Variants in PBX1 observed in about 807,000 individuals in gnomAD.
PBX1 encodes the protein pre-B-cell leukemia transcription factor 1.
In PBX1, 6 loss-of-function variants were observed where a neutral mutation model predicts 53.4. That is an observed-to-expected ratio of 0.11 (90% CI 0.06 to 0.22). The LOEUF (loss-of-function observed/expected upper bound fraction) is 0.22. Ranked by LOEUF, PBX1 falls within the 10% of genes least tolerant of loss-of-function variation. PBX1 has a pLI of 1.00. For missense variants in PBX1, 251 were observed against 551.4 expected (o/e 0.46, Z 5.46); for synonymous variants, 204 against 212.3 (o/e 0.96, Z 0.34).
intron 2 of PBX1, among the ~76,000 whole-genome samples, chr1:164,618,085 T>TA (rs1345250792): frequency 9.2e-5 from 14 of 152,182 alleles, no homozygotes; most frequent in Admixed American, 3.3e-4. Context: ...AATTCTTTTC[T>TA]AGAAAGCGTT....
At chr1:164,729,341 G>A (rs1664861958) in intron 2 of PBX1, among the ~76,000 whole-genome samples, 1 of 152,002 alleles carries the variant, frequency 6.6e-6, no homozygotes, top group African/African-American at 2.4e-5. Flanking sequence ...ATTACCTTCT[G>A]CTATTTATCC....
chr1:164,575,815 C>T (rs1409707976), intron 2 of PBX1, among the ~76,000 whole-genome samples: 1 of 147,824 alleles, frequency 6.8e-6, no homozygotes, highest in Non-Finnish European at 1.5e-5. Context: ...TTCCTTTGTG[C>T]ATCCTCCTTA....
chr1:164,846,712 C>T lies in PBX1; in HGVS notation c.*36C>T. The stretch of plus-strand genomic sequence containing the variant: ...ATCGCATCCCGGCTGACCCTGTGCC[C>T]CAGTTGGGGCAGGGGCAGGAGGGAG... On this transcript the variant is annotated 3_prime_UTR_variant, in exon 9 of 9. Transcript: ENST00000420696. The T allele has an allele frequency of 6.2e-7, 1 of 1,613,888 alleles. No individual in the cohort carries two copies. The highest frequency in any genetic ancestry group is 8.5e-7 in the Non-Finnish European group (1 of 1,179,916).
chr1:164,836,469 T>C (rs1336881459), intron 8 of PBX1, among the ~76,000 whole-genome samples: 1 of 152,176 alleles, frequency 6.6e-6, no homozygotes, highest in Non-Finnish European at 1.5e-5. Context: ...CCCCTGAATA[T>C]TTCTAGGGTG....
intron 2 of PBX1, among the ~76,000 whole-genome samples, chr1:164,635,912 G>A (rs114389418): frequency 6.6e-6 from 1 of 152,292 alleles, no homozygotes; most frequent in African/African-American, 2.4e-5. Flanking sequence ...ATGTCTTGGT[G>A]TACCTTATTC....
At chr1:164,718,556 C>T (rs1664239428) in intron 2 of PBX1, among the ~76,000 whole-genome samples, 1 of 152,208 alleles carries the variant, frequency 6.6e-6, no homozygotes, top group Admixed American at 6.5e-5. Context: ...TGTGGAATCA[C>T]TGTGCTTCTT....
chr1:164,789,844 A>G (rs919835529), intron 2 of PBX1, among the ~76,000 whole-genome samples: 8 of 152,190 alleles, frequency 5.3e-5, no homozygotes, highest in African/African-American at 1.9e-4. Flanking sequence ...CCTCTTCTGA[A>G]GGAAGTATAT....
chr1:164,885,238 C>T (rs187087322), intron 2 of PBX1, among the ~76,000 whole-genome samples: 60 of 152,206 alleles, frequency 3.9e-4, no homozygotes, highest in African/African-American at 1.2e-3. Context: ...CACCTACCAA[C>T]GAGAGAAATC....
intron 2 of PBX1, among the ~76,000 whole-genome samples, chr1:164,872,596 G>C (rs1216052105): frequency 3.3e-5 from 5 of 152,182 alleles, no homozygotes; most frequent in Admixed American, 3.3e-4. Flanking sequence ...GAGGAGATGA[G>C]CATTATTTTT....
rs1666603616 is a variant in PBX1 at position 164,757,685 on chromosome 1, TC to T, written c.266-34808del. Among the ~76,000 whole-genome samples, 8 of 152,346 alleles carry T rather than the reference TC, an allele frequency of 5.3e-5. No individual in the cohort carries two copies. The South Asian group carries it at 1.7e-3, about 32-fold the overall frequency. Reference sequence around the variant, plus strand: ...AAAGGATTTCTAAAATACATTTTTTTCAAGCTAATTTCAGCTATTATTATTA... The same window carrying T: ...AAAGGATTTCTAAAATACATTTTTTTAAGCTAATTTCAGCTATTATTATTA... On this transcript the variant is annotated intron_variant, in intron 2 of 8. Coordinates refer to ENST00000420696, the MANE Select transcript of PBX1 (RefSeq NM_002585.4).
chr1:164,766,531 G>C lies in PBX1; in HGVS notation c.266-25963G>C, dbSNP rs1667064081. 3.3e-5 allele frequency among the ~76,000 whole-genome samples: 5 copies of C among 152,286 alleles called. No individual in the cohort carries two copies. The South Asian group carries it at 1.0e-3, about 32-fold the overall frequency. On this transcript the variant is annotated intron_variant, in intron 2 of 8. Coordinates refer to ENST00000420696, the MANE Select transcript of PBX1 (RefSeq NM_002585.4). ...AATAAAAGACTCTCATGCTGAGAGA[G>C]AAGCAGCAGGACACTTGCTCATGGT...
At chr1:164,863,165 C>T (rs1179174456) in intron 2 of PBX1, among the ~76,000 whole-genome samples, 1 of 152,234 alleles carries the variant, frequency 6.6e-6, no homozygotes, top group Non-Finnish European at 1.5e-5. Flanking sequence ...TCAGACACAA[C>T]AGCAATCCCC....
At chr1:164,626,101 GTGTT>G in intron 2 of PBX1, 2 of 1,027,232 alleles carry the variant, frequency 1.9e-6, no homozygotes, top group African/African-American at 3.4e-5. Context: ...GCAAAGGTGA[GTGTT>G]CGATATCTTT....
intron 2 of PBX1, among the ~76,000 whole-genome samples, chr1:164,791,291 A>G (rs1234553785): frequency 6.6e-6 from 1 of 152,084 alleles, no homozygotes; most frequent in Non-Finnish European, 1.5e-5. Context: ...CTTCAGTCCA[A>G]ATCACCACCA....
At chr1:164,693,724 A>G (rs1316568311) in intron 2 of PBX1, among the ~76,000 whole-genome samples, 1 of 152,182 alleles carries the variant, frequency 6.6e-6, no homozygotes. Flanking sequence ...GTGAGTTCAT[A>G]CATAGCAAGG....
chr1:164,724,853 T>C (rs1359981495), intron 2 of PBX1, among the ~76,000 whole-genome samples: 1 of 152,026 alleles, frequency 6.6e-6, no homozygotes, highest in Non-Finnish European at 1.5e-5. Flanking sequence ...CTTTGTTGCC[T>C]CTCCAGGTGT....
At position 164,786,720 on chromosome 1, in the gene PBX1, T is replaced by TGTGTGTGCGC. The variant is rs1357886882; in HGVS notation, c.266-5773_266-5772insTGTGTGCGCG. On this transcript the variant is annotated intron_variant, in intron 2 of 8. Coordinates refer to ENST00000420696, the MANE Select transcript of PBX1 (RefSeq NM_002585.4). ...GTGTGTGTGTGTGTGTGTGTGTGTG[T>TGTGTGTGCGC]GCGCGCGCACACACACACACGCACA... Among the ~76,000 whole-genome samples the TGTGTGTGCGC allele has an allele frequency of 5.7e-3, 660 of 116,202 alleles. 3 individuals carry two copies. Among genetic ancestry groups the TGTGTGTGCGC allele is most frequent in the African/African-American group, 0.021 (596 of 28,758 alleles). 76.2% of individuals were successfully genotyped at this position (116,202 alleles called of 152,430 possible).
intron 2 of PBX1, among the ~76,000 whole-genome samples, chr1:164,691,291 G>A (rs1424117536): frequency 1.3e-5 from 2 of 152,132 alleles, no homozygotes; most frequent in African/African-American, 4.8e-5. Context: ...TGGGGTTACA[G>A]GCATGAGCCA....
intron 2 of PBX1, among the ~76,000 whole-genome samples, chr1:164,712,797 C>T (rs1341695547): frequency 2.0e-5 from 3 of 152,176 alleles, no homozygotes; most frequent in Non-Finnish European, 4.4e-5. Context: ...TCAGCGTCTC[C>T]GTGCAGTTGG....
Sources: allele counts gnomAD v4.1 joint callset (sites outside exome capture counted in the v4.1 genomes callset), GRCh38; gene constraint gnomAD v4.1.1; transcripts MANE v1.5; gene names NCBI Gene and HGNC (gene_info 2026-07-23, HGNC 2026-07-21).